The following ROBO2 variants were observed in gnomAD, a reference collection of about 807,000 sequenced individuals.
ROBO2 encodes the protein roundabout homolog 2.
ROBO2 carries 53 observed loss-of-function variants against 160.8 expected under a neutral mutation model. The observed-to-expected ratio is 0.33, with a 90% CI of 0.26 to 0.41. The LOEUF (loss-of-function observed/expected upper bound fraction) is 0.41, where lower values mean the gene tolerates loss of function less well. Among genes scored for constraint, ROBO2 ranks in the 10% least tolerant of loss-of-function variants. The pLI, the probability that ROBO2 is intolerant of heterozygous loss-of-function variation, is 1.00. For synonymous variants in ROBO2, 664 were observed against 611.7 expected, an observed-to-expected ratio of 1.09 and a Z score of -1.26; for missense variants, 1,577 against 1,722.4, an observed-to-expected ratio of 0.92 and a Z score of 1.49.
intron 2 of ROBO2, among the ~76,000 whole-genome samples, chr3:76,081,893 C>T (rs916411973): frequency 6.6e-6 from 1 of 151,596 alleles, no homozygotes; most frequent in African/African-American, 2.4e-5. Context: ...TAAAGGAAAA[C>T]CCCAAGAGCA....
chr3:76,146,903 TACACACACACACACACAA>T (rs1559591145), intron 2 of ROBO2, among the ~76,000 whole-genome samples: 1 of 145,686 alleles, frequency 6.9e-6, no homozygotes, highest in East Asian at 2.1e-4. Flanking sequence ...CACACACACA[TACACACACACACACACAA>T]ACACATATAC....
intron 1 of ROBO2, among the ~76,000 whole-genome samples, chr3:77,047,915 C>T (rs1371997618): frequency 1.5e-4 from 22 of 151,646 alleles, no homozygotes; most frequent in East Asian, 1.2e-3. Context: ...GGTGTGGTGG[C>T]GGGCGCCTGT....
intron 2 of ROBO2, among the ~76,000 whole-genome samples, chr3:77,449,925 C>A (rs779713429): frequency 6.6e-6 from 1 of 151,744 alleles, no homozygotes; most frequent in South Asian, 2.1e-4. Context: ...TTTTAACTGA[C>A]CACAGAGTAA....
intron 2 of ROBO2, among the ~76,000 whole-genome samples, chr3:76,182,955 G>T (rs2107115840): frequency 6.6e-6 from 1 of 152,218 alleles, no homozygotes; most frequent in South Asian, 2.1e-4. Flanking sequence ...TAAACATAAT[G>T]ATCATGTCAT....
chr3:77,366,170 A>C (rs2070840583), intron 2 of ROBO2, among the ~76,000 whole-genome samples: 1 of 152,128 alleles, frequency 6.6e-6, no homozygotes, highest in South Asian at 2.1e-4. Flanking sequence ...TTTAGAAAGA[A>C]ATAGTTTGAA....
intron 2 of ROBO2, among the ~76,000 whole-genome samples, chr3:77,300,184 T>A (rs1298758247): frequency 4.0e-5 from 2 of 50,008 alleles, no homozygotes; most frequent in African/African-American, 1.1e-4. Context: ...GGGAAATGAA[T>A]TTTTTTTTTT....
intron 2 of ROBO2, among the ~76,000 whole-genome samples, chr3:76,628,921 A>C (rs2109404676): frequency 6.6e-6 from 1 of 152,304 alleles, no homozygotes; most frequent in Admixed American, 6.5e-5. Flanking sequence ...GTTGAGTAGA[A>C]GTCTATATTC....
intron 2 of ROBO2, among the ~76,000 whole-genome samples, chr3:77,210,802 T>C (rs1386899434): frequency 1.3e-5 from 2 of 149,960 alleles, no homozygotes; most frequent in East Asian, 2.0e-4. Flanking sequence ...TGAGTTCTCA[T>C]TGTTCAATTC....
intron 2 of ROBO2, among the ~76,000 whole-genome samples, chr3:76,445,526 C>G (rs1421022167): frequency 1.3e-5 from 2 of 152,164 alleles, no homozygotes; most frequent in African/African-American, 2.4e-5. Context: ...GGAATCCTCC[C>G]TAACTCATTT....
chr3:76,290,038 T>A (rs1170248681), intron 2 of ROBO2, among the ~76,000 whole-genome samples: 1 of 152,164 alleles, frequency 6.6e-6, no homozygotes, highest in African/African-American at 2.4e-5. Context: ...AAAACTGTCA[T>A]TCATGGTTTG....
chr3:76,884,424 T>G (rs968633767), intron 2 of ROBO2, among the ~76,000 whole-genome samples: 1 of 152,170 alleles, frequency 6.6e-6, no homozygotes, highest in Non-Finnish European at 1.5e-5. Context: ...GAACTCACTT[T>G]CTAGTTGGGG....
chr3:76,709,191 A>C (rs2093236570), intron 2 of ROBO2, among the ~76,000 whole-genome samples: 1 of 152,240 alleles, frequency 6.6e-6, no homozygotes, highest in Non-Finnish European at 1.5e-5. Context: ...CCAAGGGAGA[A>C]TCTAGAGAAG....
At chr3:76,119,123 G>A (rs971581750) in intron 2 of ROBO2, among the ~76,000 whole-genome samples, 2 of 152,166 alleles carry the variant, frequency 1.3e-5, no homozygotes, top group Non-Finnish European at 2.9e-5. Flanking sequence ...AATGAAACGA[G>A]CTGTGTTAAA....
intron 2 of ROBO2, among the ~76,000 whole-genome samples, chr3:77,416,547 T>C (rs914739155): frequency 6.6e-6 from 1 of 151,718 alleles, no homozygotes; most frequent in Non-Finnish European, 1.5e-5. Context: ...TGAAACACCA[T>C]CACTACTAAA....
At chr3:76,231,608 C>T (rs1704625865) in intron 2 of ROBO2, among the ~76,000 whole-genome samples, 1 of 152,142 alleles carries the variant, frequency 6.6e-6, no homozygotes, top group Non-Finnish European at 1.5e-5. Flanking sequence ...TCTCTACGTC[C>T]TTCAACTCTA....
At chr3:76,121,190 A>T (rs1226231719) in intron 2 of ROBO2, among the ~76,000 whole-genome samples, 1 of 152,174 alleles carries the variant, frequency 6.6e-6, no homozygotes, top group Non-Finnish European at 1.5e-5. Context: ...TTTCACAATC[A>T]GTCGAATAGA....
chr3:77,242,633 T>G (rs1402935828), intron 2 of ROBO2, among the ~76,000 whole-genome samples: 1 of 152,078 alleles, frequency 6.6e-6, no homozygotes, highest in Non-Finnish European at 1.5e-5. Context: ...TGTTCTTCCT[T>G]AAAACAGATT....
chr3:76,272,908 TATATATAAAATATATATATTTATATATAA>T lies in ROBO2; in HGVS notation c.109+335323_109+335351del, dbSNP rs1559706215. Among the ~76,000 whole-genome samples the T allele has an allele frequency of 9.6e-4, 32 of 33,312 alleles. 2 individuals are homozygous for T. Among genetic ancestry groups the T allele is most frequent in the African/African-American group, 2.8e-3 (32 of 11,554 alleles). 21.9% of individuals were successfully genotyped at this position (33,312 alleles called of 152,430 possible). ...TATATATAAAAATATAATATATATT[TATATATAAAATATATATATTTATATATAA>T]ATATATAAAATATATAATATATATT... On this transcript the variant is annotated intron_variant, in intron 2 of 26. Coordinates refer to the ROBO2 transcript ENST00000487694.
At chr3:77,205,909 C>T (rs1251510193) in intron 2 of ROBO2, among the ~76,000 whole-genome samples, 2 of 152,042 alleles carry the variant, frequency 1.3e-5, no homozygotes, top group Admixed American at 6.6e-5. Context: ...CAATTTACTA[C>T]GAAATGAGTG....
Sources: gnomAD v4.1 joint callset for allele counts (sites outside exome capture counted in the v4.1 genomes callset) on GRCh38, gnomAD v4.1.1 for gene constraint, MANE v1.5 for transcripts, NCBI Gene and HGNC (gene_info 2026-07-23, HGNC 2026-07-21) for gene names.